Variants in ATP9B observed in about 807,000 individuals in gnomAD.
ATP9B encodes the protein probable phospholipid-transporting ATPase IIB.
In ATP9B, 110 loss-of-function variants were observed where a neutral mutation model predicts 146.1. That is an observed-to-expected ratio of 0.75 (90% CI 0.65 to 0.88). The LOEUF (loss-of-function observed/expected upper bound fraction) is 0.88, where lower values mean the gene tolerates loss of function less well. Among genes scored for constraint, ATP9B ranks in the 40% least tolerant of loss-of-function variants. The probability of loss-of-function intolerance (pLI) is 0.00; values close to 1 mark genes in which losing one functional copy is unlikely to be tolerated. For missense variants in ATP9B, 1,499 were observed against 1,496.4 expected (o/e 1.00, Z -0.03); for synonymous variants, 604 against 569.7 (o/e 1.06, Z -0.86).
chr18:79,319,549 C>G (rs983872375), intron 15 of ATP9B, among the ~76,000 whole-genome samples: 1 of 152,180 alleles, frequency 6.6e-6, no homozygotes, highest in Admixed American at 6.5e-5. Flanking sequence ...CTCTGGCTTG[C>G]GTTGTCCTCC....
intron 26 of ATP9B, chr18:79,372,387 C>T: frequency 3.0e-6 from 1 of 337,016 alleles, no homozygotes; most frequent in Non-Finnish European, 5.9e-6. Flanking sequence ...TTGAGATGTG[C>T]CATCCTTACT....
chr18:79,108,163 G>A (rs2075776560), intron 2 of ATP9B, among the ~76,000 whole-genome samples: 1 of 152,216 alleles, frequency 6.6e-6, no homozygotes, highest in African/African-American at 2.4e-5. Context: ...GCACAGAGCA[G>A]TCGCAGTCTG....
chr18:79,238,040 TTC>T (rs923218715), intron 11 of ATP9B, among the ~76,000 whole-genome samples: 2 of 152,174 alleles, frequency 1.3e-5, no homozygotes, highest in Non-Finnish European at 2.9e-5. Context: ...AAATTTTATA[TTC>T]TGTTTGCTGC....
At position 79,130,420 on chromosome 18, in the gene ATP9B, T is replaced by TG. The variant is rs567286694; in HGVS notation, c.667+4048dup. On this transcript the variant is annotated intron_variant, in intron 5 of 29. Transcript: ENST00000426216. ...TATCCAGTTTGAGGAGCAGAAAGAA[T>TG]GGGAAAAAAAAAACAAAACCGCTCT... Among the ~76,000 whole-genome samples the TG allele has an allele frequency of 1.3e-3, 128 of 95,374 alleles. 1 individual carries two copies. The highest frequency in any genetic ancestry group is 7.4e-3 in the African/African-American group (110 of 14,792). 62.6% of individuals were successfully genotyped at this position (95,374 alleles called of 152,430 possible).
chr18:79,279,761 T>C (rs1323993826), intron 13 of ATP9B, among the ~76,000 whole-genome samples: 1 of 152,224 alleles, frequency 6.6e-6, no homozygotes, highest in Non-Finnish European at 1.5e-5. Context: ...ACTGTCTTCT[T>C]GAATAGAATA....
chr18:79,329,693 T>TG (rs781186449), intron 16 of ATP9B, among the ~76,000 whole-genome samples: 28 of 152,228 alleles, frequency 1.8e-4, no homozygotes, highest in Non-Finnish European at 3.4e-4. Context: ...AATCATATCT[T>TG]GGAAGTTGAC....
intron 13 of ATP9B, among the ~76,000 whole-genome samples, chr18:79,299,617 CCTT>C (rs1227291656): frequency 1.1e-4 from 16 of 152,190 alleles, no homozygotes; most frequent in Middle Eastern, 6.3e-3. Context: ...TCCTCACCCT[CCTT>C]GTGTTTGGGG....
At chr18:79,356,825 GTGTGAGGGA>G (rs1182622858) in intron 25 of ATP9B, among the ~76,000 whole-genome samples, 1 of 77,654 alleles carries the variant, frequency 1.3e-5, no homozygotes, top group East Asian at 6.2e-4. Flanking sequence ...GGAGGTGTCT[GTGTGAGGGA>G]TGCTCTGGGT....
chr18:79,205,971 C>T (rs1169351494), intron 9 of ATP9B, among the ~76,000 whole-genome samples: 2 of 151,010 alleles, frequency 1.3e-5, no homozygotes, highest in Non-Finnish European at 2.9e-5. Context: ...GACAGAGTCT[C>T]GCTCTGTCGC....
chr18:79,332,664 A>G (rs2096798036), intron 17 of ATP9B, among the ~76,000 whole-genome samples: 1 of 152,198 alleles, frequency 6.6e-6, no homozygotes, highest in Admixed American at 6.5e-5. Context: ...TTTACTGAAA[A>G]TAATCTGCGT....
intron 12 of ATP9B, among the ~76,000 whole-genome samples, chr18:79,261,284 T>A (rs1281128073): frequency 6.6e-6 from 1 of 152,114 alleles, no homozygotes; most frequent in Non-Finnish European, 1.5e-5. Context: ...CCATATGAAA[T>A]CTGTGAGTGG....
intron 6 of ATP9B, among the ~76,000 whole-genome samples, chr18:79,147,304 G>A (rs972572891): frequency 6.6e-6 from 1 of 152,206 alleles, no homozygotes; most frequent in East Asian, 1.9e-4. Context: ...GGGGATAGAC[G>A]CTCCGCAGTG....
At chr18:79,160,028 A>C (rs1488710416) in intron 7 of ATP9B, among the ~76,000 whole-genome samples, 1 of 152,174 alleles carries the variant, frequency 6.6e-6, no homozygotes, top group Non-Finnish European at 1.5e-5. Flanking sequence ...ATTACTGATA[A>C]GGCAGAATTT....
chr18:79,071,398 C>CTTTTTTTTTTTTTTTTTTT lies in ATP9B; in HGVS notation c.119+1869_119+1870insTTTTTTTTTTTTTTTTTTT, dbSNP rs747150962. ...TATTTCCCCTTTTTCTATTGTTCTT[C>CTTTTTTTTTTTTTTTTTTT]CTTTTTTTTTTTTTTGAGACAGGGT... On this transcript the variant is annotated intron_variant, in intron 1 of 29. Coordinates refer to ENST00000426216, the MANE Select transcript of ATP9B (RefSeq NM_198531.5). Among the ~76,000 whole-genome samples, 109 of 22,338 alleles carry CTTTTTTTTTTTTTTTTTTT rather than the reference C, an allele frequency of 4.9e-3. 2 individuals carry two copies. The highest frequency in any genetic ancestry group is 8.2e-3 in the Admixed American group (10 of 1,214). 14.7% of individuals were successfully genotyped at this position (22,338 alleles called of 152,430 possible).
At chr18:79,348,307 A>G (rs1373535969) in intron 25 of ATP9B, 111 bp downstream of exon 25, 2 of 1,055,140 alleles carry the variant, frequency 1.9e-6, no homozygotes, top group East Asian at 2.4e-5. Context: ...TACAGTCATC[A>G]TTTAGAATGA....
At chr18:79,130,920 G>A (rs1329929248) in intron 5 of ATP9B, among the ~76,000 whole-genome samples, 2 of 152,348 alleles carry the variant, frequency 1.3e-5, no homozygotes, top group East Asian at 3.9e-4. Flanking sequence ...CAGCACTTTG[G>A]GAGGCCGAGG....
chr18:79,337,785 G>T (rs1286911173), intron 19 of ATP9B, among the ~76,000 whole-genome samples: 1 of 152,230 alleles, frequency 6.6e-6, no homozygotes, highest in East Asian at 1.9e-4. Context: ...CCCACAGGAC[G>T]CATGGAGCCA....
Position 79,302,390 on chromosome 18 carries a change from G to A in ATP9B, c.1412-1214G>A, listed in dbSNP as rs140317862. ...CGTGGCACCACGTTGTGAAATAAGT[G>A]CACACACCCCCGGGGACAAGGTGAG... On this transcript the variant is annotated intron_variant, in intron 13 of 29. Coordinates refer to ENST00000426216, the MANE Select transcript of ATP9B (RefSeq NM_198531.5). Among the ~76,000 whole-genome samples the A allele has an allele frequency of 2.5e-3, 364 of 147,816 alleles. 1 individual carries two copies. Among genetic ancestry groups the A allele is most frequent in the South Asian group, 6.7e-3 (31 of 4,608 alleles).
At chr18:79,278,323 G>A (rs116333076) in intron 13 of ATP9B, among the ~76,000 whole-genome samples, 2,318 of 152,300 alleles carry the variant, frequency 0.015, 62 homozygotes, top group African/African-American at 0.053. Flanking sequence ...CGATGGTGGT[G>A]CAGTAGCTTC....
Sources: allele counts gnomAD v4.1 joint callset (sites outside exome capture counted in the v4.1 genomes callset), GRCh38; gene constraint gnomAD v4.1.1; transcripts MANE v1.5; gene names NCBI Gene and HGNC (gene_info 2026-07-23, HGNC 2026-07-21).